The following ASTN2 variants were observed in gnomAD, a reference collection of about 807,000 sequenced individuals.
ASTN2 encodes the protein astrotactin 2.
A neutral mutation model predicts 139.8 loss-of-function variants in ASTN2; 54 were observed. The observed-to-expected ratio is 0.39, with a 90% confidence interval of 0.31 to 0.48. ASTN2 has a LOEUF of 0.48. ASTN2 is among the 20% of genes least tolerant of loss of function. ASTN2 has a pLI of 0.95. For synonymous variants in ASTN2, 756 were observed against 719.5 expected, an observed-to-expected ratio of 1.05 and a Z score of -0.81; for missense variants, 1,565 against 1,725.1, an observed-to-expected ratio of 0.91 and a Z score of 1.64.
intron 2 of ASTN2, among the ~76,000 whole-genome samples, chr9:117,249,836 C>G (rs1335420): frequency 6.6e-6 from 1 of 151,914 alleles, no homozygotes. Flanking sequence ...ATGCCCTTAT[C>G]CTGTTGCCTT....
intron 16 of ASTN2, among the ~76,000 whole-genome samples, chr9:116,704,005 C>T (rs955877687): frequency 3.9e-5 from 6 of 152,174 alleles, no homozygotes; most frequent in Non-Finnish European, 8.8e-5. Context: ...CATTAATATT[C>T]ACGGGACCCA....
At chr9:117,126,941 T>A (rs1314915716) in intron 4 of ASTN2, among the ~76,000 whole-genome samples, 3 of 152,056 alleles carry the variant, frequency 2.0e-5, no homozygotes, top group Non-Finnish European at 4.4e-5. Flanking sequence ...AGACCCTGGG[T>A]AGGTAGTTAA....
intron 5 of ASTN2, among the ~76,000 whole-genome samples, chr9:117,095,169 C>G (rs1201307291): frequency 6.6e-6 from 1 of 152,184 alleles, no homozygotes; most frequent in Non-Finnish European, 1.5e-5. Flanking sequence ...TGGATCTGCC[C>G]TTTATCACTG....
At chr9:117,181,568 C>T (rs938770765) in intron 3 of ASTN2, among the ~76,000 whole-genome samples, 4 of 152,124 alleles carry the variant, frequency 2.6e-5, no homozygotes, top group African/African-American at 4.8e-5. Context: ...GCATGCTAGA[C>T]AACAGGATAG....
intron 5 of ASTN2, among the ~76,000 whole-genome samples, chr9:117,077,625 G>A (rs1028474707): frequency 2.6e-5 from 4 of 152,110 alleles, no homozygotes; most frequent in Non-Finnish European, 5.9e-5. Context: ...GCAAGCACCT[G>A]TAATTCCAGC....
intron 2 of ASTN2, among the ~76,000 whole-genome samples, chr9:117,227,423 T>C (rs572943666): frequency 6.6e-6 from 1 of 152,204 alleles, no homozygotes; most frequent in South Asian, 2.1e-4. Flanking sequence ...GTTTTGTCAA[T>C]GCTTAGTAAT....
chr9:117,299,400 C>A (rs1489672715), intron 1 of ASTN2, among the ~76,000 whole-genome samples: 1 of 152,108 alleles, frequency 6.6e-6, no homozygotes, highest in Non-Finnish European at 1.5e-5. Flanking sequence ...AGCTATAAAG[C>A]AAAGTAGAAA....
chr9:116,751,799 A>C (rs1364097090), intron 13 of ASTN2, among the ~76,000 whole-genome samples: 1 of 152,168 alleles, frequency 6.6e-6, no homozygotes, highest in East Asian at 1.9e-4. Context: ...TATAAATCTA[A>C]CAAAATACAT....
chr9:116,830,832 C>G (rs1267409909), intron 11 of ASTN2, among the ~76,000 whole-genome samples: 1 of 151,090 alleles, frequency 6.6e-6, no homozygotes, highest in Admixed American at 6.6e-5. Flanking sequence ...AGAAAGATAC[C>G]AGCCCTCATA....
At chr9:117,390,902 A>T (rs956925623) in intron 1 of ASTN2, among the ~76,000 whole-genome samples, 3 of 152,194 alleles carry the variant, frequency 2.0e-5, no homozygotes, top group Non-Finnish European at 2.9e-5. Context: ...TTTGTTTTAC[A>T]AGAAACTGCC....
At chr9:116,429,093 C>G (rs1017012294) in intron 22 of ASTN2, among the ~76,000 whole-genome samples, 3 of 152,004 alleles carry the variant, frequency 2.0e-5, no homozygotes, top group Admixed American at 6.5e-5. Flanking sequence ...AATCCCAGAA[C>G]TTTGGGAGGC....
At chr9:117,231,622 A>G (rs1245874401) in intron 2 of ASTN2, among the ~76,000 whole-genome samples, 1 of 152,192 alleles carries the variant, frequency 6.6e-6, no homozygotes, top group Non-Finnish European at 1.5e-5. Context: ...GCTTGTTGTC[A>G]CTGGTGAAGT....
chr9:117,330,197 T>A (rs1405395938), intron 1 of ASTN2, among the ~76,000 whole-genome samples: 1 of 152,072 alleles, frequency 6.6e-6, no homozygotes, highest in Non-Finnish European at 1.5e-5. Flanking sequence ...CATTATACCC[T>A]CCCACCAGGA....
At chr9:117,035,476 T>C (rs900220427) in intron 6 of ASTN2, among the ~76,000 whole-genome samples, 14 of 152,160 alleles carry the variant, frequency 9.2e-5, no homozygotes, top group African/African-American at 3.1e-4. Flanking sequence ...CATCCCCCTA[T>C]GTAATACCCT....
intron 6 of ASTN2, among the ~76,000 whole-genome samples, chr9:117,033,274 T>C (rs1374868782): frequency 6.6e-6 from 1 of 152,130 alleles, no homozygotes; most frequent in Non-Finnish European, 1.5e-5. Flanking sequence ...TGGTCATCTA[T>C]TCTCAGGAGA....
intron 18 of ASTN2, among the ~76,000 whole-genome samples, chr9:116,619,688 A>ATTTTTTTTTT (rs766517097): frequency 4.0e-5 from 3 of 74,314 alleles, no homozygotes; most frequent in South Asian, 6.0e-4. Context: ...CACACGGGCT[A>ATTTTTTTTTT]TTTTTTTTTT....
chr9:116,678,547 G>C (rs757510524), intron 16 of ASTN2, among the ~76,000 whole-genome samples: 3 of 152,154 alleles, frequency 2.0e-5, no homozygotes, highest in Non-Finnish European at 4.4e-5. Context: ...ATTTTGTCTA[G>C]TTCAGAGGGT....
chr9:116,892,550 G>A (rs978941520), intron 10 of ASTN2, among the ~76,000 whole-genome samples: 1 of 152,070 alleles, frequency 6.6e-6, no homozygotes, highest in African/African-American at 2.4e-5. Flanking sequence ...GGCAGATGAA[G>A]CCAAGCTGGT....
At chr9:116,687,220 A>C (rs1860282869) in intron 16 of ASTN2, 2 of 1,007,250 alleles carry the variant, frequency 2.0e-6, no homozygotes, top group South Asian at 4.2e-5. Flanking sequence ...GCTTGGGGCC[A>C]GCTGCACGAC....
Sources: allele counts gnomAD v4.1 joint callset (sites outside exome capture counted in the v4.1 genomes callset), GRCh38; gene constraint gnomAD v4.1.1; transcripts MANE v1.5; gene names NCBI Gene and HGNC (gene_info 2026-07-23, HGNC 2026-07-21).